The following USP21 variants were observed in gnomAD, a reference collection of about 807,000 sequenced individuals.
The protein encoded by USP21 is ubiquitin specific peptidase 21, also known as ubiquitin carboxyl-terminal hydrolase 21.
A neutral mutation model predicts 70.8 loss-of-function variants in USP21; 37 were observed. That is an observed-to-expected ratio of 0.52 (90% CI 0.40 to 0.69). The LOEUF (loss-of-function observed/expected upper bound fraction) is 0.69. USP21 is among the 30% of genes least tolerant of loss of function. The pLI is 0.00. For synonymous variants in USP21, 263 were observed against 283.1 expected, an observed-to-expected ratio of 0.93 and a Z score of 0.71; for missense variants, 584 against 740.8, an observed-to-expected ratio of 0.79 and a Z score of 2.46.
Position 161,160,445 on chromosome 1 carries a change from T to G in USP21, c.-83T>G. 1.5e-6 allele frequency: 1 copy of G among 684,502 alleles called. No individual in the cohort carries two copies. The highest frequency in any genetic ancestry group is 2.6e-6 in the Non-Finnish European group (1 of 383,028). 42.4% of individuals were successfully genotyped at this position (684,502 alleles called of 1,614,324 possible). ...ATACTGCTCCCCACTTTCGTTGATG[T>G]GGTAGTGGTGATGACTGAGCCAACC... On this transcript the variant is annotated 5_prime_UTR_variant, in exon 2 of 14. Coordinates refer to ENST00000368002, the MANE Select transcript of USP21 (RefSeq NM_001014443.3).
At position 161,160,836 on chromosome 1, in the gene USP21, C is replaced by A; in HGVS notation, c.196C>A (p.Leu66Met). 6.2e-7 allele frequency: 1 copy of A among 1,614,230 alleles called. No homozygotes were observed. The highest frequency in any genetic ancestry group is 8.5e-7 in the Non-Finnish European group (1 of 1,180,040). ...TCTGCCTGATGAACGGCTCAAGAAA[C>A]TGGAGCTGGGACGGGGACGGACCTC... ...PGLPDERLKK[L>M]ELGRGRTSGP... The change falls in exon 3 of 14, where the codon CTG becomes ATG. Residue 66 changes from leucine (L) to methionine (M), a missense_variant. Transcript: ENST00000368002.
chr1:161,162,752 TTC>T lies in USP21; in HGVS notation c.893+32_893+33del. On this transcript the variant is annotated intron_variant, in intron 6 of 13. Coordinates refer to ENST00000368002, the MANE Select transcript of USP21 (RefSeq NM_001014443.3). This position sits in a 1 kb window ranked among gnomAD's most constrained non-coding sequence, Gnocchi z 4.1. ...GTGGGAGAGCTGGAGGCTATGGGATTTCTCTCTGGCCATGTCTGGGGGTAGGG... is the reference window on the plus strand; with the variant it reads ...GTGGGAGAGCTGGAGGCTATGGGATTTCTCTGGCCATGTCTGGGGGTAGGG... The T allele has an allele frequency of 6.3e-7, 1 of 1,599,240 alleles. No individual in the cohort carries two copies. The highest frequency in any genetic ancestry group is 8.6e-7 in the Non-Finnish European group (1 of 1,166,418).
At position 161,165,690 on chromosome 1, in the gene USP21, A is replaced by G. The variant is rs749364714; in HGVS notation, c.*243A>G. The G allele has an allele frequency of 4.4e-5, 18 of 411,696 alleles. No homozygotes were observed. Among genetic ancestry groups the G allele is most frequent in the Admixed American group, 7.8e-5 (2 of 25,674 alleles). The allele number at this position is 411,696 out of a possible 1,614,324, so 25.5% of individuals were successfully genotyped here. On this transcript the variant is annotated 3_prime_UTR_variant, in exon 14 of 14. Coordinates refer to ENST00000368002, the MANE Select transcript of USP21 (RefSeq NM_001014443.3). Reference sequence around the variant, plus strand: ...GTACAGCCCCCAGACCCTCTGCAATATCACTTTTTGTGAATAAATTTATTA... The same window carrying G: ...GTACAGCCCCCAGACCCTCTGCAATGTCACTTTTTGTGAATAAATTTATTA...
rs1321190857 is a variant in USP21 at position 161,160,954 on chromosome 1, G to A, written c.314G>A (p.Arg105Gln). The stretch of plus-strand genomic sequence containing the variant: ...ACAGTGGCTTTGCCTCTCCCATCTC[G>A]GACCAACTTAGCCCGTTCCAAGTCT... The part of the protein sequence containing the change: ...PPTVALPLPS[R>Q]TNLARSKSVS... Residue 105 changes from arginine to glutamine, a missense_variant, in exon 3 of 14, where the codon CGG (arginine) becomes CAG (glutamine). This residue lies in a region of USP21 where 284 missense variants were observed against 281.0 expected (regional missense o/e 1.01). Transcript: ENST00000368002. 3.6e-5 allele frequency: 58 copies of A among 1,614,066 alleles called. No individual in the cohort carries two copies. Among genetic ancestry groups the A allele is most frequent in the Non-Finnish European group, 4.4e-5 (52 of 1,180,040 alleles).
intron 7 of USP21, among the ~76,000 whole-genome samples, 199 bp from the exon 8 acceptor site, chr1:161,163,356 T>A (rs930217467): frequency 2.2e-4 from 34 of 152,208 alleles, no homozygotes; most frequent in African/African-American, 6.8e-4. Flanking sequence ...TTATGTACAT[T>A]CCTTTCTTTT....
Position 161,162,344 on chromosome 1 carries a change from C to T in USP21, c.735C>T (p.Phe245=), listed in dbSNP as rs1258110666. 6.2e-7 allele frequency: 1 copy of T among 1,613,466 alleles called. No individual in the cohort carries two copies. The highest frequency in any genetic ancestry group is 8.5e-7 in the Non-Finnish European group (1 of 1,179,760). Residue 245 remains phenylalanine, a synonymous_variant, in exon 5 of 14, where the codon TTC becomes TTT. Transcript: ENST00000368002. The surrounding 1 kb of genome is among the most constrained non-coding windows in gnomAD (Gnocchi z 4.1). ...PLRDFCLRRD[F]RQEVPGGGRA... The stretch of plus-strand genomic sequence containing the variant: ...GGGACTTCTGTCTGAGAAGGGACTT[C>T]CGGCAAGAGGTGCCTGGAGGAGGCC...
rs771616544 is a variant in USP21 at position 161,163,978 on chromosome 1, C to G, written c.1215C>G (p.Pro405=). 5.6e-6 allele frequency: 9 copies of G among 1,613,844 alleles called. No individual in the cohort carries two copies. The South Asian group carries it at 9.9e-5, about 18-fold the overall frequency. ...EVFCDLSLPI[P]KKGFAGGKVS... ...TTTGTGACCTGTCCCTGCCCATCCC[C>G]AAGGTGGGATTCCAGAGGATTCCGG... The change falls in exon 9 of 14, where the codon CCC becomes CCG. Residue 405 remains proline, a synonymous_variant. Transcript: ENST00000368002.
chr1:161,163,645 G>A (rs960151307), intron 8 of USP21, 26 bp downstream of exon 8: 4 of 1,572,816 alleles, frequency 2.5e-6, no homozygotes, highest in African/African-American at 2.8e-5. Context: ...AAGCAATGAG[G>A]GAAAATTAGT....
In USP21 at chr1:161,162,311, A is replaced by G. The variant is rs762692645; in HGVS notation, c.702A>G (p.Arg234=). Residue 234 remains arginine (R), a synonymous_variant, in exon 5 of 14, where the codon CGA becomes CGG. Transcript: ENST00000368002. The surrounding 1 kb of genome is among the most constrained non-coding windows in gnomAD (Gnocchi z 4.1). ...NAVLQCLSST[R]PLRDFCLRRD... ...TGCTGCAGTGTCTGAGCAGCACTCG[A>G]CCTCTTCGGGACTTCTGTCTGAGAA... The G allele has an allele frequency of 6.2e-7, 1 of 1,613,400 alleles. No homozygotes were observed. Among genetic ancestry groups the G allele is most frequent in the East Asian group, 2.2e-5 (1 of 44,874 alleles).
rs1355081464 is a variant in USP21 at position 161,163,931 on chromosome 1, C to T, written c.1168C>T (p.Arg390Cys). 15 of 1,614,034 alleles carry T rather than the reference C, an allele frequency of 9.3e-6. No individual in the cohort carries two copies. Among genetic ancestry groups the T allele is most frequent in the African/African-American group, 2.7e-5 (2 of 74,902 alleles). The change falls in exon 9 of 14, where the codon CGC becomes TGC. Residue 390 changes from arginine (R) to cysteine (C), a missense_variant. By Grantham distance (180) the Arg-to-Cys change is radical. This residue lies in a region of USP21 where 173 missense variants were observed against 268.2 expected (regional missense o/e 0.65). Coordinates refer to ENST00000368002, the MANE Select transcript of USP21 (RefSeq NM_001014443.3). ...SCLKCQACGY[R>C]STTFEVFCDL... is the part of the protein sequence containing the mutation. ...TCTCAAGTGCCAGGCCTGTGGGTAT[C>T]GCTCCACGACCTTCGAGGTTTTTTG...
chr1:161,164,463 G>A lies in USP21; in HGVS notation c.1306-71G>A. ...TGAAGAGCATACTAAATTTGTATGT[G>A]GATCGGGGTGTCAGAAAAGCCAATT... On this transcript the variant is annotated intron_variant, in intron 10 of 13. Coordinates refer to ENST00000368002, the MANE Select transcript of USP21 (RefSeq NM_001014443.3). The surrounding 1 kb of genome is among the most constrained non-coding windows in gnomAD (Gnocchi z 4.2). The A allele has an allele frequency of 6.4e-7, 1 of 1,566,558 alleles. No homozygotes were observed. The highest frequency in any genetic ancestry group is 1.1e-5 in the South Asian group (1 of 89,734).
At chr1:161,163,105 C>G (rs373820695) in intron 7 of USP21, 31 bp downstream of exon 7, 1 of 1,555,976 alleles carries the variant, frequency 6.4e-7, no homozygotes, top group East Asian at 2.3e-5. Context: ...CTCCTTTCCC[C>G]GTAGTTTATC....
chr1:161,162,409 C>T lies in USP21; in HGVS notation c.781+19C>T. ...ACTGAAGGTGGGGCAACAACTCCTG[C>T]TCCCTCTGTTCAAGTCCCTTTTTCC... On this transcript the variant is annotated intron_variant, in intron 5 of 13. Coordinates refer to ENST00000368002, the MANE Select transcript of USP21 (RefSeq NM_001014443.3). The surrounding 1 kb of genome is among the most constrained non-coding windows in gnomAD (Gnocchi z 4.1). 6.3e-7 allele frequency: 1 copy of T among 1,591,280 alleles called. No homozygotes were observed. Among genetic ancestry groups the T allele is most frequent in the Non-Finnish European group, 8.6e-7 (1 of 1,167,914 alleles).
rs1657927232 is a variant in USP21 at position 161,161,483 on chromosome 1, A to G, written c.600+243A>G. 1 of 500,402 alleles carries G rather than the reference A, an allele frequency of 2.0e-6. No individual in the cohort carries two copies. Among genetic ancestry groups the G allele is most frequent in the Non-Finnish European group, 3.5e-6 (1 of 284,996 alleles). 31.0% of individuals were successfully genotyped at this position (500,402 alleles called of 1,614,324 possible). A position where few individuals can be genotyped will look rare whatever the true frequency, so the allele number is the denominator to read the frequency against. ...CCAGGGGATTACCCCAACTATTTAGAATTCTTCTTTGGGTCCCCAGGCCCT... is the reference window on the plus strand; with the variant it reads ...CCAGGGGATTACCCCAACTATTTAGGATTCTTCTTTGGGTCCCCAGGCCCT... On this transcript the variant is annotated intron_variant, in intron 3 of 13. Transcript: ENST00000368002. The surrounding 1 kb of genome is among the most constrained non-coding windows in gnomAD (Gnocchi z 4.2).
At position 161,160,949 on chromosome 1, in the gene USP21, A is replaced by G. The variant is rs1420043006; in HGVS notation, c.309A>G (p.Pro103=). 2.5e-6 allele frequency: 4 copies of G among 1,613,982 alleles called. No individual in the cohort carries two copies. The highest frequency in any genetic ancestry group is 2.7e-5 in the African/African-American group (2 of 74,896). Residue 103 remains proline, a synonymous_variant, in exon 3 of 14, where the codon CCA becomes CCG. Coordinates refer to ENST00000368002, the MANE Select transcript of USP21 (RefSeq NM_001014443.3). ...SPPPTVALPL[P]SRTNLARSKS... ...CCCCAACAGTGGCTTTGCCTCTCCCATCTCGGACCAACTTAGCCCGTTCCA... is the reference window on the plus strand; with the variant it reads ...CCCCAACAGTGGCTTTGCCTCTCCCGTCTCGGACCAACTTAGCCCGTTCCA...
rs756620633 is a variant in USP21 at position 161,162,132 on chromosome 1, G to A, written c.660+35G>A. On this transcript the variant is annotated intron_variant, in intron 4 of 13. Coordinates refer to ENST00000368002, the MANE Select transcript of USP21 (RefSeq NM_001014443.3). This position sits in a 1 kb window ranked among gnomAD's most constrained non-coding sequence, Gnocchi z 4.1. Reference sequence around the variant, plus strand: ...ATTCTCCTATCTTTCCTCTCTAAAAGGAATGTGAAATGGTGCTGGGGGTGG... The same window carrying A: ...ATTCTCCTATCTTTCCTCTCTAAAAAGAATGTGAAATGGTGCTGGGGGTGG... 1 of 1,613,858 alleles carries A rather than the reference G, an allele frequency of 6.2e-7. No homozygotes were observed. The highest frequency in any genetic ancestry group is 1.7e-5 in the Admixed American group (1 of 59,980).
At position 161,165,345 on chromosome 1, in the gene USP21, C is replaced by T. The variant is rs973967793; in HGVS notation, c.1608-12C>T. On this transcript the variant is annotated splice_polypyrimidine_tract_variant and intron_variant, in intron 13 of 13. Coordinates refer to ENST00000368002, the MANE Select transcript of USP21 (RefSeq NM_001014443.3). ...ATGACCACAACCCTTTCCCGATCTC[C>T]TTTTTTCCTAGTGTCTCCCCTGTCA... 1.9e-6 allele frequency: 3 copies of T among 1,612,958 alleles called. No individual in the cohort carries two copies. The highest frequency in any genetic ancestry group is 1.3e-5 in the African/African-American group (1 of 74,850).
In USP21 at chr1:161,162,461, C is replaced by G; in HGVS notation, c.781+71C>G. On this transcript the variant is annotated intron_variant, in intron 5 of 13. Transcript: ENST00000368002. This position sits in a 1 kb window ranked among gnomAD's most constrained non-coding sequence, Gnocchi z 4.1. ...CAACCACTTGCAGGTCCATCTGCCA[C>G]TGGTGGTGGCCCCCAACCCTTAAAT... 6.4e-7 allele frequency: 1 copy of G among 1,563,138 alleles called. No homozygotes were observed. The highest frequency in any genetic ancestry group is 8.7e-7 in the Non-Finnish European group (1 of 1,150,538).
In USP21 at chr1:161,162,052, C is replaced by A; in HGVS notation, c.615C>A (p.Leu205=). The change falls in exon 4 of 14, where the codon CTC becomes CTA. Residue 205 remains leucine (L), a synonymous_variant. Coordinates refer to ENST00000368002, the MANE Select transcript of USP21 (RefSeq NM_001014443.3). This position sits in a 1 kb window ranked among gnomAD's most constrained non-coding sequence, Gnocchi z 4.1. ...TGACCTTCCAGGCTCATCACACACTCCTTCTGGGCTCTGGTCATGTTGGCC... is the reference window on the plus strand; with the variant it reads ...TGACCTTCCAGGCTCATCACACACTACTTCTGGGCTCTGGTCATGTTGGCC... The part of the protein sequence containing the change: ...YSDDKMAHHT[L]LLGSGHVGLR... The A allele has an allele frequency of 6.2e-7, 1 of 1,614,184 alleles. No individual in the cohort carries two copies. Among genetic ancestry groups the A allele is most frequent in the African/African-American group, 1.3e-5 (1 of 75,028 alleles).
Sources: allele counts gnomAD v4.1 joint callset (sites outside exome capture counted in the v4.1 genomes callset), GRCh38; gene constraint gnomAD v4.1.1; regional missense constraint gnomAD v4.1.1; non-coding constraint Gnocchi (gnomAD v3.1); transcripts MANE v1.5; gene names NCBI Gene and HGNC (gene_info 2026-07-23, HGNC 2026-07-21).